The following DCC variants were observed in gnomAD, a reference collection of about 807,000 sequenced individuals.
DCC encodes the protein DCC netrin 1 receptor.
Under a neutral mutation model 172.5 loss-of-function variants are expected in DCC, and 58 were observed. The observed-to-expected ratio is 0.34, with a 90% CI of 0.27 to 0.42. The LOEUF (loss-of-function observed/expected upper bound fraction) is 0.42. DCC is among the 10% of genes least tolerant of loss of function. The pLI, the probability that DCC is intolerant of heterozygous loss-of-function variation, is 1.00. For missense variants in DCC, 1,740 were observed against 1,791.0 expected, an observed-to-expected ratio of 0.97 and a Z score of 0.51; for synonymous variants, 709 against 644.5, an observed-to-expected ratio of 1.10 and a Z score of -1.52.
intron 2 of DCC, among the ~76,000 whole-genome samples, chr18:52,757,768 C>G (rs13381403): frequency 0.21 from 31,737 of 152,044 alleles, 4,711 homozygotes; most frequent in African/African-American, 0.42. Flanking sequence ...AAGTGAATCT[C>G]TATACATTAC....
chr18:53,128,862 C>CAG (rs1345790131), intron 7 of DCC, among the ~76,000 whole-genome samples: 1 of 81,104 alleles, frequency 1.2e-5, no homozygotes, highest in East Asian at 4.2e-4. Flanking sequence ...CACACACACA[C>CAG]ACACACACAT....
intron 1 of DCC, among the ~76,000 whole-genome samples, chr18:52,430,491 A>G (rs1023713910): frequency 6.6e-6 from 1 of 152,096 alleles, no homozygotes; most frequent in Non-Finnish European, 1.5e-5. Context: ...GTAGCAGATG[A>G]TTCTGTTTGC....
chr18:52,447,389 C>T (rs1039388201), intron 1 of DCC, among the ~76,000 whole-genome samples: 1 of 152,150 alleles, frequency 6.6e-6, no homozygotes, highest in African/African-American at 2.4e-5. Context: ...AAATAAAGGT[C>T]AGCATGTGTT....
chr18:52,383,782 T>C (rs1568143269), intron 1 of DCC, among the ~76,000 whole-genome samples: 1 of 152,046 alleles, frequency 6.6e-6, no homozygotes, highest in Admixed American at 6.6e-5. Context: ...GTGTATGATA[T>C]AACAACATTT....
chr18:53,120,045 G>A lies in DCC; in HGVS notation c.1262-37311G>A, dbSNP rs578155835. ...ACCCTGAAATTTTTTATTGAGTTTT[G>A]TCATAAATATAAACAGTGTACAAGT... On this transcript the variant is annotated intron_variant, in intron 7 of 28. Coordinates refer to ENST00000442544, the MANE Select transcript of DCC (RefSeq NM_005215.4). Among the ~76,000 whole-genome samples, 50 of 151,764 alleles carry A rather than the reference G, an allele frequency of 3.3e-4. No individual in the cohort carries two copies. In the South Asian group the frequency reaches 0.01, roughly 31 times the overall value.
At chr18:53,390,942 T>A (rs1422602615) in intron 16 of DCC, among the ~76,000 whole-genome samples, 1 of 152,186 alleles carries the variant, frequency 6.6e-6, no homozygotes, top group African/African-American at 2.4e-5. Context: ...ACTTCTACAT[T>A]TTCAAGGGTT....
intron 21 of DCC, among the ~76,000 whole-genome samples, chr18:53,428,731 T>A (rs1394466722): frequency 1.7e-4 from 6 of 34,656 alleles, no homozygotes; most frequent in South Asian, 7.7e-4. Context: ...ATATATATTA[T>A]ATTATATACT....
intron 23 of DCC, among the ~76,000 whole-genome samples, chr18:53,452,480 A>G (rs1337312015): frequency 3.3e-5 from 5 of 152,142 alleles, no homozygotes. Flanking sequence ...CCACAGAGAG[A>G]ACACCAGTCT....
rs896398763 is a variant in DCC, at chr18:52,652,182, T to C, written c.92-99872T>C. 2.0e-5 allele frequency among the ~76,000 whole-genome samples: 3 copies of C among 152,282 alleles called. No individual in the cohort carries two copies. In the East Asian group the frequency reaches 5.8e-4, roughly 29 times the overall value. Reference sequence around the variant, plus strand: ...TTTTATCCCTGTAGTAATATGCTCGTTGCCCAAGGAAGAAAAGCCATCAAA... The same window carrying C: ...TTTTATCCCTGTAGTAATATGCTCGCTGCCCAAGGAAGAAAAGCCATCAAA... On this transcript the variant is annotated intron_variant, in intron 1 of 28. Coordinates refer to ENST00000442544, the MANE Select transcript of DCC (RefSeq NM_005215.4).
chr18:52,569,306 C>T (rs4383247), intron 1 of DCC, among the ~76,000 whole-genome samples: 2 of 152,330 alleles, frequency 1.3e-5, no homozygotes, highest in South Asian at 4.1e-4. Context: ...AATTATTCAA[C>T]TTGCATGCTC....
chr18:53,449,035 T>C (rs2045372754), intron 22 of DCC, among the ~76,000 whole-genome samples: 1 of 152,232 alleles, frequency 6.6e-6, no homozygotes, highest in Non-Finnish European at 1.5e-5. Context: ...TGTCAGTAAC[T>C]GCACACAATA....
chr18:52,978,441 T>C (rs1008185663), intron 5 of DCC, among the ~76,000 whole-genome samples: 24 of 152,290 alleles, frequency 1.6e-4, no homozygotes, highest in African/African-American at 4.6e-4. Context: ...TCAAACTGCA[T>C]AGAGGCCGAG....
At chr18:53,440,747 A>T (rs1228641507) in intron 22 of DCC, among the ~76,000 whole-genome samples, 2 of 152,220 alleles carry the variant, frequency 1.3e-5, no homozygotes, top group Non-Finnish European at 1.5e-5. Context: ...TTCAGTGATT[A>T]CAAGAGACTG....
At chr18:52,817,420 A>G in intron 2 of DCC, among the ~76,000 whole-genome samples, 1 of 152,194 alleles carries the variant, frequency 6.6e-6, no homozygotes, top group South Asian at 2.1e-4. Flanking sequence ...TCATCTTTAT[A>G]GAAAATGCTA....
At chr18:52,893,884 C>T (rs2039689136) in intron 2 of DCC, among the ~76,000 whole-genome samples, 1 of 148,122 alleles carries the variant, frequency 6.8e-6, no homozygotes, top group Non-Finnish European at 1.5e-5. Context: ...GTAGTCAAAA[C>T]ACACAAGGCT....
chr18:53,330,611 C>G (rs1170412848), intron 14 of DCC, among the ~76,000 whole-genome samples: 1 of 152,170 alleles, frequency 6.6e-6, no homozygotes, highest in African/African-American at 2.4e-5. Context: ...AGATTCTTCT[C>G]CATGTGGTCC....
intron 1 of DCC, among the ~76,000 whole-genome samples, chr18:52,634,596 G>C (rs560039447): frequency 6.6e-6 from 1 of 152,264 alleles, no homozygotes; most frequent in Admixed American, 6.5e-5. Context: ...AAATACATTG[G>C]TGTTTCCTTA....
chr18:52,541,862 GAT>G, intron 1 of DCC, among the ~76,000 whole-genome samples: 1 of 54,106 alleles, frequency 1.8e-5, no homozygotes, highest in South Asian at 6.6e-4. Flanking sequence ...AAAAGTATAT[GAT>G]GTGTGTGTGT....
intron 20 of DCC, 104 bp from the exon 21 acceptor site, chr18:53,416,020 G>T: frequency 1.2e-6 from 1 of 815,548 alleles, no homozygotes. Context: ...GAGGGCACTA[G>T]CTTTGAAATA....
Sources: allele counts gnomAD v4.1 joint callset (sites outside exome capture counted in the v4.1 genomes callset), GRCh38; gene constraint gnomAD v4.1.1; transcripts MANE v1.5; gene names NCBI Gene and HGNC (gene_info 2026-07-23, HGNC 2026-07-21).